AKAP10: variants seen among roughly 807,000 people sequenced by gnomAD.
AKAP10 encodes the protein A-kinase anchor protein 10, mitochondrial.
Under a neutral mutation model 80.8 loss-of-function variants are expected in AKAP10, and 24 were observed. That is an observed-to-expected ratio of 0.30 (90% CI 0.22 to 0.42). The LOEUF is 0.42. Among genes scored for constraint, AKAP10 ranks in the 10% least tolerant of loss-of-function variants. The pLI is 1.00. For missense variants in AKAP10, 661 were observed against 794.9 expected (o/e 0.83, Z 2.03); for synonymous variants, 291 against 277.7 (o/e 1.05, Z -0.48).
intron 1 of AKAP10, among the ~76,000 whole-genome samples, chr17:19,969,326 CAA>C (rs1164005121): frequency 6.6e-5 from 10 of 152,090 alleles, no homozygotes; most frequent in Non-Finnish European, 1.5e-4. Flanking sequence ...GCCTGGGAGA[CAA>C]AGAGAGACTC....
Position 19,909,202 on chromosome 17 carries a change from T to C in AKAP10, c.1962A>G (p.Gln654=). The C allele has an allele frequency of 6.2e-7, 1 of 1,613,124 alleles. No individual in the cohort carries two copies. Among genetic ancestry groups the C allele is most frequent in the Non-Finnish European group, 8.5e-7 (1 of 1,179,750 alleles). Residue 654 remains glutamine (Q), a synonymous_variant, in exon 14 of 15, where the codon CAA becomes CAG. Transcript: ENST00000225737. ...TTACCTTTGTAGATTTCTCTAACGG[T>C]TGATCATACTGAGCCTGCTGCATAA... The part of the protein sequence containing the change: ...SDIMQQAQYD[Q]PLEKSTKL
At position 19,920,020 on chromosome 17, in the gene AKAP10, T is replaced by C. The variant is rs763667387; in HGVS notation, c.1834+16A>G. 1.1e-5 allele frequency: 17 copies of C among 1,602,324 alleles called. No individual in the cohort carries two copies. Among genetic ancestry groups the C allele is most frequent in the South Asian group, 6.6e-5 (6 of 90,324 alleles). ...GTGAGTAAAGGCTTAATATGAAGTA[T>C]AAAAACACCACAAACCTTTTGATTT... On this transcript the variant is annotated intron_variant, in intron 12 of 14. Transcript: ENST00000225737.
chr17:19,920,710 G>A (rs547905072), intron 11 of AKAP10, among the ~76,000 whole-genome samples: 13 of 151,952 alleles, frequency 8.6e-5, no homozygotes, highest in African/African-American at 3.1e-4. Context: ...GGGTGTGGTG[G>A]TGGATGCCTG....
intron 1 of AKAP10, among the ~76,000 whole-genome samples, chr17:19,969,423 TCTG>T (rs1034889958): frequency 6.6e-6 from 1 of 152,160 alleles, no homozygotes; most frequent in African/African-American, 2.4e-5. Flanking sequence ...CAGTAAAAAT[TCTG>T]CTGTAGATAA....
intron 4 of AKAP10, among the ~76,000 whole-genome samples, chr17:19,954,061 G>A (rs1188792548): frequency 6.6e-6 from 1 of 152,070 alleles, no homozygotes; most frequent in African/African-American, 2.4e-5. Context: ...CCTAGGCCCA[G>A]ATGGCATCAC....
intron 11 of AKAP10, among the ~76,000 whole-genome samples, chr17:19,923,129 G>C (rs1259616539): frequency 6.6e-6 from 1 of 152,090 alleles, no homozygotes; most frequent in Non-Finnish European, 1.5e-5. Context: ...GCAGGCTGCA[G>C]TGCAATGGTG....
intron 12 of AKAP10, among the ~76,000 whole-genome samples, chr17:19,918,012 A>C (rs752366182): frequency 6.6e-6 from 1 of 151,958 alleles, no homozygotes; most frequent in Non-Finnish European, 1.5e-5. Flanking sequence ...CGAGGTCAGG[A>C]GTTCCGAGAC....
At chr17:19,939,575 C>T (rs2043030213) in intron 8 of AKAP10, 138 bp downstream of exon 8, 2 of 946,538 alleles carry the variant, frequency 2.1e-6, no homozygotes, top group South Asian at 3.7e-5. Flanking sequence ...GCTTTACAAA[C>T]ACCATATAAA....
At chr17:19,918,088 C>G (rs553765854) in intron 12 of AKAP10, among the ~76,000 whole-genome samples, 2 of 151,206 alleles carry the variant, frequency 1.3e-5, no homozygotes, top group Non-Finnish European at 2.9e-5. Flanking sequence ...GATGTGGTGG[C>G]ACGCGCCTGT....
Position 19,946,236 on chromosome 17 carries a change from A to ATATT in AKAP10, c.976+1170_976+1171insAATA, listed in dbSNP as rs1277653512. Among the ~76,000 whole-genome samples, 84 of 22,760 alleles carry ATATT rather than the reference A, an allele frequency of 3.7e-3. 5 individuals carry two copies. The East Asian group carries it at 0.042, about 11-fold the overall frequency. The allele number at this position is 22,760 out of a possible 152,430, so 14.9% of individuals were successfully genotyped here. On this transcript the variant is annotated intron_variant, in intron 5 of 14. Coordinates refer to ENST00000225737, the MANE Select transcript of AKAP10 (RefSeq NM_007202.4). The stretch of plus-strand genomic sequence containing the variant: ...ATATATATATTTTATATATATATAT[A>ATATT]TTATATATATATATATATATATATA...
chr17:19,953,325 A>G (rs2043236619), intron 4 of AKAP10, among the ~76,000 whole-genome samples: 1 of 151,986 alleles, frequency 6.6e-6, no homozygotes, highest in South Asian at 2.1e-4. Context: ...CCAGAAATCT[A>G]AGTTTCTACT....
chr17:19,917,193 A>C (rs1296984518), intron 12 of AKAP10, among the ~76,000 whole-genome samples: 1 of 151,716 alleles, frequency 6.6e-6, no homozygotes, highest in Admixed American at 6.6e-5. Context: ...TGAACCTGGG[A>C]GGCAGAGCTT....
chr17:19,904,902 T>G lies in AKAP10; in HGVS notation c.*1325A>C, dbSNP rs911684133. The G allele has an allele frequency of 6.6e-6, 1 of 152,000 alleles. No individual in the cohort carries two copies. Among genetic ancestry groups the G allele is most frequent in the African/African-American group, 2.4e-5 (1 of 41,440 alleles). 9.4% of individuals were successfully genotyped at this position (152,000 alleles called of 1,614,324 possible). A position where few individuals can be genotyped will look rare whatever the true frequency, so the allele number is the denominator to read the frequency against. On this transcript the variant is annotated 3_prime_UTR_variant, in exon 15 of 15. Coordinates refer to ENST00000225737, the MANE Select transcript of AKAP10 (RefSeq NM_007202.4). ...AAAACTTACACAAAGCCTTTTTGCTTCTTCTGTCGATGAAACAGTGTGCCT... is the reference window on the plus strand; with the variant it reads ...AAAACTTACACAAAGCCTTTTTGCTGCTTCTGTCGATGAAACAGTGTGCCT...
At chr17:19,927,607 T>C (rs2042888541) in intron 10 of AKAP10, among the ~76,000 whole-genome samples, 2 of 152,056 alleles carry the variant, frequency 1.3e-5, no homozygotes, top group East Asian at 1.9e-4. Flanking sequence ...GAGACCAGCC[T>C]GGGCAATATA....
chr17:19,941,044 C>T (rs769129838), intron 6 of AKAP10, 34 bp from the exon 7 acceptor site: 6 of 1,581,834 alleles, frequency 3.8e-6, no homozygotes, highest in South Asian at 2.3e-5. Context: ...TTTGAGGGAA[C>T]GACCAAGGAA....
chr17:19,922,210 A>C (rs1183979988), intron 11 of AKAP10, among the ~76,000 whole-genome samples: 3 of 152,144 alleles, frequency 2.0e-5, no homozygotes, highest in African/African-American at 7.2e-5. Flanking sequence ...AGAATAATGC[A>C]TTTATCAAGT....
intron 2 of AKAP10, among the ~76,000 whole-genome samples, chr17:19,966,837 G>C (rs144136003): frequency 6.6e-6 from 1 of 152,206 alleles, no homozygotes; most frequent in East Asian, 1.9e-4. Context: ...ACTACAGTCA[G>C]ATCTAGTCTT....
At chr17:19,968,342 C>G (rs1185795574) in intron 2 of AKAP10, 72 bp downstream of exon 2, 1 of 1,178,008 alleles carries the variant, frequency 8.5e-7, no homozygotes, top group South Asian at 1.4e-5. Flanking sequence ...GAGAGTATAA[C>G]AGGATTAAAG....
chr17:19,944,179 A>T (rs1844831464), intron 5 of AKAP10, among the ~76,000 whole-genome samples: 1 of 152,054 alleles, frequency 6.6e-6, no homozygotes, highest in South Asian at 2.1e-4. Context: ...GTGACTCTAG[A>T]TAAATTGTCC....
Sources: allele counts gnomAD v4.1 joint callset (sites outside exome capture counted in the v4.1 genomes callset), GRCh38; gene constraint gnomAD v4.1.1; transcripts MANE v1.5; gene names NCBI Gene and HGNC (gene_info 2026-07-23, HGNC 2026-07-21).